Variants in DRC8 observed in about 807,000 individuals in gnomAD.
The protein encoded by DRC8 is dynein regulatory complex subunit 8.
chr1:244,998,858 C>T, the DRC8 span, among the ~76,000 whole-genome samples: 1 of 151,934 alleles, frequency 6.6e-6, no homozygotes, highest in Non-Finnish European at 1.5e-5. Context: ...TTTTATATTA[C>T]CTGCTTAGGA....
the DRC8 span, among the ~76,000 whole-genome samples, chr1:245,037,268 A>G: frequency 6.6e-6 from 1 of 152,236 alleles, no homozygotes; most frequent in African/African-American, 2.4e-5. Flanking sequence ...AATGTTAGCA[A>G]CAAAATTCAG....
chr1:245,071,965 A>C, the DRC8 span, among the ~76,000 whole-genome samples: 1 of 152,254 alleles, frequency 6.6e-6, no homozygotes, highest in Non-Finnish European at 1.5e-5. Flanking sequence ...AATGCTGACA[A>C]GAAAGTGGAG....
chr1:245,067,620 T>G, the DRC8 span, among the ~76,000 whole-genome samples: 1 of 152,186 alleles, frequency 6.6e-6, no homozygotes, highest in Non-Finnish European at 1.5e-5. Flanking sequence ...TTAAGTATCC[T>G]TGGATTTTTT....
the DRC8 span, among the ~76,000 whole-genome samples, chr1:245,073,792 GTATA>G: frequency 6.6e-6 from 1 of 152,072 alleles, no homozygotes; most frequent in Non-Finnish European, 1.5e-5. Flanking sequence ...CTCCAGCACT[GTATA>G]TACAGAAGTG....
chr1:245,028,640 A>T, the DRC8 span, among the ~76,000 whole-genome samples: 1 of 152,194 alleles, frequency 6.6e-6, no homozygotes, highest in Non-Finnish European at 1.5e-5. Context: ...TTTGAGAGAG[A>T]GGAGTGGAAC....
the DRC8 span, among the ~76,000 whole-genome samples, chr1:245,048,211 C>A: frequency 6.6e-6 from 1 of 152,080 alleles, no homozygotes; most frequent in Non-Finnish European, 1.5e-5. Context: ...CTTTTACCTG[C>A]AAGGAATGGT....
the DRC8 span, among the ~76,000 whole-genome samples, chr1:245,106,095 C>T: frequency 9.2e-5 from 14 of 152,166 alleles, 1 homozygote; most frequent in East Asian, 5.8e-4. Context: ...ATTTTACTTT[C>T]GTAAGTGTGT....
chr1:245,117,586 G>A, the DRC8 span, among the ~76,000 whole-genome samples: 5 of 151,060 alleles, frequency 3.3e-5, no homozygotes, highest in African/African-American at 1.2e-4. Context: ...ACCATGCCCA[G>A]CTAATTCTGT....
At chr1:245,078,745 G>A in the DRC8 span, among the ~76,000 whole-genome samples, 4 of 152,236 alleles carry the variant, frequency 2.6e-5, no homozygotes, top group African/African-American at 4.8e-5. Context: ...CTGATGTACA[G>A]TGTGGTAACT....
the DRC8 span, among the ~76,000 whole-genome samples, chr1:245,005,974 A>G: frequency 6.6e-6 from 1 of 152,190 alleles, no homozygotes; most frequent in African/African-American, 2.4e-5. Flanking sequence ...GGCACTGGGA[A>G]AAAGCATTAT....
At chr1:245,086,651 T>C in the DRC8 span, 2 of 501,172 alleles carry the variant, frequency 4.0e-6, no homozygotes. Context: ...CACTTGCATG[T>C]TGCTGCTTCT....
At chr1:244,998,585 C>T in the DRC8 span, among the ~76,000 whole-genome samples, 1 of 152,100 alleles carries the variant, frequency 6.6e-6, no homozygotes, top group Non-Finnish European at 1.5e-5. Flanking sequence ...ATTGGCTTAT[C>T]AGTCAAACAA....
chr1:244,979,408 C>T, the DRC8 span, among the ~76,000 whole-genome samples: 2 of 139,324 alleles, frequency 1.4e-5, no homozygotes, highest in Non-Finnish European at 3.0e-5. Flanking sequence ...TGGGTTCAAG[C>T]GATTCTTATG....
chr1:245,114,808 CTCTGCCT>C, the DRC8 span, among the ~76,000 whole-genome samples: 823 of 152,304 alleles, frequency 5.4e-3, 12 homozygotes, highest in African/African-American at 0.019. Flanking sequence ...TCGGTGCAAC[CTCTGCCT>C]TCTGGGTTTA....
the DRC8 span, among the ~76,000 whole-genome samples, chr1:245,097,693 AG>A: frequency 6.6e-6 from 1 of 152,132 alleles, no homozygotes; most frequent in Non-Finnish European, 1.5e-5. This position sits in a 1 kb window ranked among gnomAD's most constrained non-coding sequence, Gnocchi z 5.0. Context: ...AAGCAGGATA[AG>A]GGGTGAGAGT....
chr1:245,084,258 T>A, the DRC8 span, among the ~76,000 whole-genome samples: 1 of 151,954 alleles, frequency 6.6e-6, no homozygotes, highest in Non-Finnish European at 1.5e-5. Context: ...ATTTTTTGTA[T>A]TTTTAGTAGA....
At chr1:245,038,039 C>A in the DRC8 span, among the ~76,000 whole-genome samples, 2 of 151,996 alleles carry the variant, frequency 1.3e-5, no homozygotes, top group African/African-American at 4.8e-5. Flanking sequence ...TATAAAGATG[C>A]CAAATAATTC....
chr1:245,003,219 T>C, the DRC8 span, among the ~76,000 whole-genome samples: 12 of 152,248 alleles, frequency 7.9e-5, no homozygotes, highest in African/African-American at 2.4e-4. Context: ...TTCCACCTTC[T>C]GTCTATTGTG....
the DRC8 span, among the ~76,000 whole-genome samples, chr1:245,004,601 A>G: frequency 6.6e-6 from 1 of 152,124 alleles, no homozygotes; most frequent in Non-Finnish European, 1.5e-5. Flanking sequence ...ATTTCCCAAA[A>G]CTGCATGCTT....
Sources: allele counts gnomAD v4.1 joint callset (sites outside exome capture counted in the v4.1 genomes callset), GRCh38; gene constraint gnomAD v4.1.1; non-coding constraint Gnocchi (gnomAD v3.1); transcripts MANE v1.5; gene names NCBI Gene and HGNC (gene_info 2026-07-23, HGNC 2026-07-21).